CENPP: variants seen among roughly 807,000 people sequenced by gnomAD.
CENPP encodes centromere protein P.
In CENPP, 24 loss-of-function variants were observed where a neutral mutation model predicts 35.6. That is an observed-to-expected ratio of 0.67 (90% CI 0.49 to 0.95). The LOEUF is 0.95. CENPP is among the 40% of genes least tolerant of loss of function. The pLI is 0.00. For missense variants in CENPP, 332 were observed against 345.3 expected (o/e 0.96, Z 0.31); for synonymous variants, 120 against 125.5 (o/e 0.96, Z 0.29).
At chr9:92,533,303 C>CAAACAAAA (rs1223222898) in intron 5 of CENPP, among the ~76,000 whole-genome samples, 16 of 29,860 alleles carry the variant, frequency 5.4e-4, no homozygotes, top group South Asian at 2.7e-3. Flanking sequence ...CGGTCTCAAA[C>CAAACAAAA]AAAAAAAAAA....
intron 5 of CENPP, chr9:92,417,307 C>T (rs115116400): frequency 1.5e-5 from 25 of 1,613,990 alleles, no homozygotes; most frequent in Non-Finnish European, 2.0e-5. Flanking sequence ...TTGGGATAGT[C>T]TTGAGTTTGC....
chr9:92,515,317 A>C, intron 5 of CENPP: 1 of 1,274,130 alleles, frequency 7.8e-7, no homozygotes, highest in Middle Eastern at 2.9e-4. Flanking sequence ...ATTTGAGTGC[A>C]ATTTAAAGAT....
intron 5 of CENPP, among the ~76,000 whole-genome samples, chr9:92,480,162 A>G (rs1845863303): frequency 1.3e-5 from 2 of 152,166 alleles, no homozygotes; most frequent in Admixed American, 6.5e-5. Flanking sequence ...CCTGATTTAG[A>G]CCAGTTTTGC....
At position 92,590,892 on chromosome 9, in the gene CENPP, G is replaced by A. The variant is rs370942584; in HGVS notation, c.565-20422G>A. ...CAGCTTTTGACCCGTTTATTCAAAC[G>A]TGATGCAGCTAATTCTAGTGGAACA... On this transcript the variant is annotated intron_variant, in intron 5 of 7. Transcript: ENST00000375587. Among the ~76,000 whole-genome samples the A allele has an allele frequency of 5.9e-5, 9 of 152,182 alleles. No individual in the cohort carries two copies. In the South Asian group the frequency reaches 8.3e-4, roughly 14 times the overall value.
chr9:92,474,611 C>T lies in CENPP; in HGVS notation c.564+94752C>T, dbSNP rs1385908764. 3 of 1,601,350 alleles carry T rather than the reference C, an allele frequency of 1.9e-6. No homozygotes were observed. The Middle Eastern group carries it at 5.0e-4, about 265-fold the overall frequency. ...TTACTATTCTTCAAAACAAAATCGACTTATATTCTTACCTAAATCTGAGCA... is the reference window on the plus strand; with the variant it reads ...TTACTATTCTTCAAAACAAAATCGATTTATATTCTTACCTAAATCTGAGCA... On this transcript the variant is annotated intron_variant, in intron 5 of 7. Coordinates refer to ENST00000375587, the MANE Select transcript of CENPP (RefSeq NM_001012267.3).
intron 5 of CENPP, among the ~76,000 whole-genome samples, chr9:92,591,343 C>T (rs112354329): frequency 0.012 from 1,764 of 151,848 alleles, 43 homozygotes; most frequent in African/African-American, 0.04. Flanking sequence ...GGCATGAACC[C>T]GGGAGGCGGA....
At chr9:92,612,727 A>G in intron 7 of CENPP, 113 bp downstream of exon 7, 1 of 793,014 alleles carries the variant, frequency 1.3e-6, no homozygotes, top group Non-Finnish European at 2.2e-6. Flanking sequence ...AAATCTCATT[A>G]ATGTACTTTG....
intron 4 of CENPP, among the ~76,000 whole-genome samples, chr9:92,355,622 A>G (rs1841569403): frequency 6.6e-6 from 1 of 152,246 alleles, no homozygotes; most frequent in South Asian, 2.1e-4. Context: ...AATGCAGCAT[A>G]TTCATTTGCT....
chr9:92,511,431 T>G (rs1002440598), intron 5 of CENPP, among the ~76,000 whole-genome samples: 11 of 151,912 alleles, frequency 7.2e-5, no homozygotes, highest in African/African-American at 2.2e-4. Flanking sequence ...GGCCTGTTTT[T>G]TTTTTTTTTT....
chr9:92,487,438 A>G (rs1403039696), intron 5 of CENPP, among the ~76,000 whole-genome samples: 1 of 152,268 alleles, frequency 6.6e-6, no homozygotes, highest in Non-Finnish European at 1.5e-5. Context: ...AAACTGGATT[A>G]TAACACATAC....
Position 92,517,704 on chromosome 9 carries a change from G to A in CENPP, c.565-93610G>A, listed in dbSNP as rs147710026. On this transcript the variant is annotated intron_variant, in intron 5 of 7. Coordinates refer to ENST00000375587, the MANE Select transcript of CENPP (RefSeq NM_001012267.3). ...CTCTGTACCAGTAGCGGAGCAGACCGGGCAGCATTCCCCTTCAGGTATAAC... is the reference window on the plus strand; with the variant it reads ...CTCTGTACCAGTAGCGGAGCAGACCAGGCAGCATTCCCCTTCAGGTATAAC... The A allele has an allele frequency of 1.8e-3, 2,869 of 1,613,918 alleles. 2 individuals carry two copies. The highest frequency in any genetic ancestry group is 8.3e-3 in the Middle Eastern group (50 of 6,060).
At position 92,449,651 on chromosome 9, in the gene CENPP, G is replaced by A. The variant is rs535325813; in HGVS notation, c.564+69792G>A. Among the ~76,000 whole-genome samples, 4 of 152,080 alleles carry A rather than the reference G, an allele frequency of 2.6e-5. No homozygotes were observed. In the South Asian group the frequency reaches 6.2e-4, roughly 24 times the overall value. On this transcript the variant is annotated intron_variant, in intron 5 of 7. Transcript: ENST00000375587. ...CCAATGTTGGAGGTTGGGCCTGGTG[G>A]GAGGTGATTGGATCATGGGGGCGGA... is the stretch of plus-strand genomic sequence containing the variant.
At chr9:92,501,405 G>A (rs1846668242) in intron 5 of CENPP, among the ~76,000 whole-genome samples, 1 of 152,322 alleles carries the variant, frequency 6.6e-6, no homozygotes, top group Admixed American at 6.5e-5. Flanking sequence ...GTGAATCCCA[G>A]CATGCATCTA....
intron 5 of CENPP, among the ~76,000 whole-genome samples, chr9:92,607,497 G>A (rs1016568356): frequency 6.6e-6 from 1 of 152,100 alleles, no homozygotes; most frequent in Admixed American, 6.6e-5. Flanking sequence ...AGTGGTGATG[G>A]TTGCACCACC....
chr9:92,496,597 A>C (rs1004747301), intron 5 of CENPP: 1 of 1,288,494 alleles, frequency 7.8e-7, no homozygotes. Context: ...TTGGATCCTT[A>C]TAGACCAGAA....
intron 5 of CENPP, among the ~76,000 whole-genome samples, chr9:92,469,181 T>A (rs1845419888): frequency 6.6e-6 from 1 of 151,180 alleles, no homozygotes; most frequent in Non-Finnish European, 1.5e-5. Context: ...ATTGTGTCAT[T>A]TCTGACTGTC....
intron 5 of CENPP, among the ~76,000 whole-genome samples, chr9:92,565,406 TG>T (rs1849945802): frequency 6.7e-6 from 1 of 148,290 alleles, no homozygotes; most frequent in African/African-American, 2.5e-5. Context: ...CCACAGGCCA[TG>T]GGTTAGACAA....
At chr9:92,545,106 G>A (rs1849403720) in intron 5 of CENPP, among the ~76,000 whole-genome samples, 1 of 152,170 alleles carries the variant, frequency 6.6e-6, no homozygotes, top group Non-Finnish European at 1.5e-5. Flanking sequence ...GCCCTCGCTC[G>A]CTCTTGGCAC....
intron 5 of CENPP, among the ~76,000 whole-genome samples, chr9:92,528,316 A>G (rs1441005792): frequency 6.6e-6 from 1 of 152,168 alleles, no homozygotes; most frequent in Non-Finnish European, 1.5e-5. Context: ...AGTGAGGGGA[A>G]CACAGGCAGA....
Sources: gnomAD v4.1 joint callset for allele counts (sites outside exome capture counted in the v4.1 genomes callset) on GRCh38, gnomAD v4.1.1 for gene constraint, MANE v1.5 for transcripts, NCBI Gene and HGNC (gene_info 2026-07-23, HGNC 2026-07-21) for gene names.